The following SLC2A9 variants were observed in gnomAD, a reference collection of about 807,000 sequenced individuals.
SLC2A9 encodes the protein solute carrier family 2 member 9.
A neutral mutation model predicts 50.6 loss-of-function variants in SLC2A9; 39 were observed. The ratio of observed to expected loss-of-function variants is 0.77; its 90% confidence interval spans 0.60 to 1.01. The LOEUF (loss-of-function observed/expected upper bound fraction) is 1.01. Ranked by LOEUF, SLC2A9 falls within the 50% of genes least tolerant of loss-of-function variation. SLC2A9 has a pLI of 0.00. For synonymous variants in SLC2A9, 324 were observed against 276.9 expected (o/e 1.17, Z -1.69); for missense variants, 686 against 677.6 (o/e 1.01, Z -0.14).
chr4:9,784,742 C>T (rs1718999758), intron 3 of SLC2A9, among the ~76,000 whole-genome samples: 1 of 152,180 alleles, frequency 6.6e-6, no homozygotes, highest in Non-Finnish European at 1.5e-5. Flanking sequence ...CATATTATTA[C>T]CATCAGATCT....
intron 5 of SLC2A9, among the ~76,000 whole-genome samples, chr4:9,951,622 T>G (rs544931832): frequency 3.4e-4 from 39 of 116,012 alleles, no homozygotes; most frequent in African/African-American, 1.6e-3. Context: ...TCAGAAAAGT[T>G]TATTTTTAAA....
chr4:10,021,601 C>T (rs1417336918), upstream of SLC2A9: 1 of 935,738 alleles, frequency 1.1e-6, no homozygotes, highest in Non-Finnish European at 1.6e-6. Flanking sequence ...TTTCTCTGCT[C>T]CTAAGTTATT....
In SLC2A9 at chr4:9,941,928, C is replaced by A. The variant is rs1748216846; in HGVS notation, c.799G>T (p.Ala267Ser). The change falls in exon 6 of 12, where the codon GCA (alanine) becomes TCA (serine). Residue 267 changes from alanine to serine, a missense_variant. Coordinates refer to ENST00000264784, the MANE Select transcript of SLC2A9 (RefSeq NM_020041.3). The part of the protein sequence containing the change: ...RYLLLEKHNE[A>S]RAVKAFQTFL... ...GGGCCCTCACCTTTCACAGCTCTTGCCTCGTTGTGCTTCTCCAAGAGCAGG... is the reference window on the plus strand; with the variant it reads ...GGGCCCTCACCTTTCACAGCTCTTGACTCGTTGTGCTTCTCCAAGAGCAGG... 1.9e-6 allele frequency: 3 copies of A among 1,614,102 alleles called. No individual in the cohort carries two copies. In the East Asian group the frequency reaches 6.7e-5, roughly 36 times the overall value.
intron 5 of SLC2A9, among the ~76,000 whole-genome samples, chr4:9,955,867 ATTTTTTT>A (rs1170286158): frequency 1.6e-5 from 1 of 61,688 alleles, no homozygotes; most frequent in Non-Finnish European, 2.7e-5. Context: ...AAGCATCTGG[ATTTTTTT>A]TTTTTTTTTT....
chr4:9,963,030 T>C (rs1752513527), intron 5 of SLC2A9, among the ~76,000 whole-genome samples: 1 of 152,202 alleles, frequency 6.6e-6, no homozygotes, highest in Non-Finnish European at 1.5e-5. Context: ...CCTCTCTCGC[T>C]GCATTAGGGC....
intron 1 of SLC2A9, among the ~76,000 whole-genome samples, chr4:9,772,231 C>A (rs1188911590): frequency 6.6e-6 from 1 of 152,068 alleles, no homozygotes; most frequent in Non-Finnish European, 1.5e-5. Context: ...GCATCAAGGA[C>A]CTGAATTAGG....
chr4:9,890,482 C>A (rs745816581), intron 9 of SLC2A9, 128 bp downstream of exon 9: 1 of 896,534 alleles, frequency 1.1e-6, no homozygotes, highest in Non-Finnish European at 1.8e-6. Context: ...GAGATGTCCC[C>A]GGGGAGAGCT....
downstream of SLC2A9, among the ~76,000 whole-genome samples, chr4:9,775,943 C>A (rs1176130786): frequency 6.6e-6 from 1 of 152,130 alleles, no homozygotes; most frequent in Non-Finnish European, 1.5e-5. Context: ...ACTGCAGCAG[C>A]CGGGGGAAGA....
chr4:9,972,852 C>G (rs1754133842), intron 5 of SLC2A9, among the ~76,000 whole-genome samples: 1 of 152,088 alleles, frequency 6.6e-6, no homozygotes, highest in Non-Finnish European at 1.5e-5. Flanking sequence ...TTAGAAAGAT[C>G]TCATATTAAT....
chr4:9,790,490 C>T (rs1236146618), intron 3 of SLC2A9, among the ~76,000 whole-genome samples: 1 of 152,096 alleles, frequency 6.6e-6, no homozygotes, highest in Non-Finnish European at 1.5e-5. Flanking sequence ...GTCAACTTGG[C>T]TTCATGGGTA....
chr4:9,892,655 G>A lies in SLC2A9; in HGVS notation c.1114-1944C>T, dbSNP rs371299008. 1.3e-3 allele frequency among the ~76,000 whole-genome samples: 193 copies of A among 152,284 alleles called. 1 individual carries two copies. Among genetic ancestry groups the A allele is most frequent in the African/African-American group, 4.2e-3 (176 of 41,564 alleles). ...TTGCAGGGTAGCTGTGAGATAAAGC[G>A]AAAGAACTCACAATGCCTGAAATAG... On this transcript the variant is annotated intron_variant, in intron 8 of 11. Transcript: ENST00000264784.
intron 6 of SLC2A9, 77 bp from the exon 7 acceptor site, chr4:9,920,649 CG>C: frequency 1.9e-6 from 3 of 1,558,096 alleles, no homozygotes; most frequent in East Asian, 2.3e-5. Context: ...CCTGCAGGGA[CG>C]GGTCCCACCT....
At chr4:9,794,564 G>A (rs1176603729), downstream of SLC2A9, among the ~76,000 whole-genome samples, 1 of 152,254 alleles carries the variant, frequency 6.6e-6, no homozygotes, top group Non-Finnish European at 1.5e-5. Context: ...ACACAGCTAA[G>A]AAGTGACAAG....
chr4:9,845,427 C>CTTTTTTTTTT (rs1175166447), intron 10 of SLC2A9, among the ~76,000 whole-genome samples: 2 of 108,692 alleles, frequency 1.8e-5, no homozygotes, highest in Admixed American at 9.6e-5. Flanking sequence ...TCATCAATTT[C>CTTTTTTTTTT]TTTTTTTTTT....
At chr4:9,829,803 C>G (rs1725768998) in intron 11 of SLC2A9, among the ~76,000 whole-genome samples, 1 of 152,064 alleles carries the variant, frequency 6.6e-6, no homozygotes, top group Admixed American at 6.5e-5. Flanking sequence ...CAAATCAAAA[C>G]CACAATGAGA....
Position 9,912,421 on chromosome 4 carries a change from T to C in SLC2A9, c.1003-4076A>G, listed in dbSNP as rs182062367. Among the ~76,000 whole-genome samples the C allele has an allele frequency of 2.6e-5, 4 of 152,234 alleles. No homozygotes were observed. In the East Asian group the frequency reaches 7.7e-4, roughly 29 times the overall value. ...TTTGAAGAACTGTGCAGCTGGCAGG[T>C]GTGGGGGTAAGGGCAGCAGGAAAGA... On this transcript the variant is annotated intron_variant, in intron 7 of 11. Transcript: ENST00000264784.
intron 5 of SLC2A9, among the ~76,000 whole-genome samples, chr4:9,962,578 C>A (rs1752435098): frequency 1.3e-5 from 2 of 152,020 alleles, no homozygotes; most frequent in Admixed American, 1.3e-4. Flanking sequence ...GGGACCTGGG[C>A]AGGGGGAGGG....
At chr4:9,918,367 T>C (rs143351355) in intron 7 of SLC2A9, among the ~76,000 whole-genome samples, 1 of 152,272 alleles carries the variant, frequency 6.6e-6, no homozygotes, top group Non-Finnish European at 1.5e-5. Context: ...GACCACAGTG[T>C]GGCTGTGATG....
At chr4:9,804,095 A>G (rs760136294) in intron 3 of SLC2A9, among the ~76,000 whole-genome samples, 31 of 152,240 alleles carry the variant, frequency 2.0e-4, no homozygotes, top group Non-Finnish European at 4.1e-4. Flanking sequence ...CATAGTTATA[A>G]GGAGAGCAAG....
Sources: gnomAD v4.1 joint callset for allele counts (sites outside exome capture counted in the v4.1 genomes callset) on GRCh38, gnomAD v4.1.1 for gene constraint, MANE v1.5 for transcripts, NCBI Gene and HGNC (gene_info 2026-07-23, HGNC 2026-07-21) for gene names.